AQR: variants seen among roughly 807,000 people sequenced by gnomAD.
AQR encodes aquarius intron-binding spliceosomal factor.
A neutral mutation model predicts 180.5 loss-of-function variants in AQR; 61 were observed. The observed-to-expected ratio is 0.34, with a 90% CI of 0.28 to 0.42. The LOEUF (loss-of-function observed/expected upper bound fraction) is 0.42, where lower values mean the gene tolerates loss of function less well. Among genes scored for constraint, AQR ranks in the 10% least tolerant of loss-of-function variants. The probability of loss-of-function intolerance (pLI) is 1.00; values close to 1 mark genes in which losing one functional copy is unlikely to be tolerated. For missense variants in AQR, 1,281 were observed against 1,798.3 expected, an observed-to-expected ratio of 0.71 and a Z score of 5.20; for synonymous variants, 551 against 588.8, an observed-to-expected ratio of 0.94 and a Z score of 0.93.
chr15:34,915,436 C>T (rs1893567460), intron 15 of AQR, among the ~76,000 whole-genome samples: 6 of 151,650 alleles, frequency 4.0e-5, no homozygotes, highest in Admixed American at 3.9e-4. Context: ...GTGATCTGCC[C>T]ACCTTGGCCT....
At chr15:34,909,314 T>C (rs1282278276) in intron 17 of AQR, among the ~76,000 whole-genome samples, 1 of 152,206 alleles carries the variant, frequency 6.6e-6, no homozygotes, top group Non-Finnish European at 1.5e-5. Context: ...AATATAAAAC[T>C]GCCTATTAGA....
At chr15:34,884,944 C>T (rs1171231722) in intron 25 of AQR, among the ~76,000 whole-genome samples, 1 of 152,186 alleles carries the variant, frequency 6.6e-6, no homozygotes, top group Non-Finnish European at 1.5e-5. Flanking sequence ...GAAAAAAAGG[C>T]TCTTTAATAA....
intron 20 of AQR, 132 bp from the exon 21 acceptor site, chr15:34,897,837 T>A: frequency 1.0e-6 from 1 of 965,872 alleles, no homozygotes; most frequent in East Asian, 2.6e-5. Flanking sequence ...ACGATATCTG[T>A]ATGTAAACTC....
chr15:34,928,319 T>C (rs1893795847), intron 12 of AQR, among the ~76,000 whole-genome samples: 1 of 152,128 alleles, frequency 6.6e-6, no homozygotes, highest in Non-Finnish European at 1.5e-5. Flanking sequence ...GCTGCACCTA[T>C]TGACCTGTCC....
intron 5 of AQR, 46 bp from the exon 6 acceptor site, chr15:34,944,474 T>G (rs752903366): frequency 3.9e-6 from 6 of 1,530,910 alleles, no homozygotes; most frequent in Non-Finnish European, 4.4e-6. Flanking sequence ...GCTTGCTCAC[T>G]TAAGCTTTAA....
At chr15:34,866,142 T>C (rs1357613656) in intron 32 of AQR, among the ~76,000 whole-genome samples, 2 of 152,190 alleles carry the variant, frequency 1.3e-5, no homozygotes, top group Non-Finnish European at 1.5e-5. Context: ...CTTGCCTATA[T>C]ATAAAAGGAA....
At chr15:34,957,649 C>T (rs953590048) in intron 3 of AQR, among the ~76,000 whole-genome samples, 3 of 148,192 alleles carry the variant, frequency 2.0e-5, no homozygotes, top group South Asian at 2.1e-4. Context: ...TGCGGTGAGC[C>T]GAGACTGCAC....
intron 2 of AQR, among the ~76,000 whole-genome samples, chr15:34,963,670 T>C (rs2050293740): frequency 6.6e-6 from 1 of 151,318 alleles, no homozygotes; most frequent in African/African-American, 2.5e-5. Flanking sequence ...ACTTTTTTTT[T>C]TTCTTTTTTT....
chr15:34,959,536 T>A (rs2050260918), intron 3 of AQR, among the ~76,000 whole-genome samples: 1 of 152,070 alleles, frequency 6.6e-6, no homozygotes, highest in African/African-American at 2.4e-5. Context: ...TCTTCATAGC[T>A]CTTAAGTAGC....
At chr15:34,908,481 C>G (rs939090108) in intron 17 of AQR, among the ~76,000 whole-genome samples, 25 of 151,968 alleles carry the variant, frequency 1.6e-4, no homozygotes, top group African/African-American at 5.8e-4. Context: ...CTCCTTTTTA[C>G]TCCATTTTCT....
intron 32 of AQR, among the ~76,000 whole-genome samples, chr15:34,865,609 C>T (rs571703422): frequency 1.3e-5 from 2 of 152,282 alleles, no homozygotes; most frequent in South Asian, 2.1e-4. Flanking sequence ...ATTGTATATG[C>T]ATATTCATAG....
intron 27 of AQR, among the ~76,000 whole-genome samples, chr15:34,876,406 AT>A (rs1220008999): frequency 6.6e-6 from 1 of 151,826 alleles, no homozygotes; most frequent in Non-Finnish European, 1.5e-5. Flanking sequence ...TTTTGGGATA[AT>A]TTTTTTTCCT....
chr15:34,952,766 A>G, intron 4 of AQR, 119 bp downstream of exon 4: 1 of 722,964 alleles, frequency 1.4e-6, no homozygotes, highest in Non-Finnish European at 2.3e-6. Context: ...AGCCAATCAC[A>G]GAAATATAAA....
intron 27 of AQR, among the ~76,000 whole-genome samples, chr15:34,880,747 T>A (rs1670058021): frequency 1.3e-5 from 2 of 152,166 alleles, no homozygotes; most frequent in South Asian, 4.1e-4. Context: ...TGAATGTGTG[T>A]CTATTTGTCC....
chr15:34,884,221 AC>A (rs1286213315), intron 26 of AQR, among the ~76,000 whole-genome samples: 1 of 152,144 alleles, frequency 6.6e-6, no homozygotes, highest in Non-Finnish European at 1.5e-5. Flanking sequence ...AGCCTGGCCA[AC>A]ATGGTGAAAC....
intron 12 of AQR, among the ~76,000 whole-genome samples, chr15:34,927,759 G>A (rs909178880): frequency 6.6e-6 from 1 of 152,176 alleles, no homozygotes; most frequent in East Asian, 1.9e-4. Flanking sequence ...GAAAAGATCC[G>A]GAAGTTTTCA....
chr15:34,882,465 T>TAAAAAAAAAAAAA lies in AQR; in HGVS notation c.3165+24_3165+36dup, dbSNP rs34949352. 1.4e-4 allele frequency: 165 copies of TAAAAAAAAAAAAA among 1,200,368 alleles called. 3 individuals carry two copies. The African/African-American group carries it at 2.7e-3, about 20-fold the overall frequency. The allele number at this position is 1,200,368 out of a possible 1,614,324, so 74.4% of individuals were successfully genotyped here. A position where few individuals can be genotyped will look rare whatever the true frequency, so the allele number is the denominator to read the frequency against. On this transcript the variant is annotated intron_variant, in intron 27 of 34. Coordinates refer to ENST00000156471, the MANE Select transcript of AQR (RefSeq NM_014691.3). ...GAAGTGAGCCAATCTCTGATAATCT[T>TAAAAAAAAAAAAA]AAAAAAAAAAAAAAAAAAACTACCA...
intron 18 of AQR, 66 bp from the exon 19 acceptor site, chr15:34,904,571 G>GT (rs1893383174): frequency 7.0e-7 from 1 of 1,434,108 alleles, no homozygotes; most frequent in East Asian, 2.6e-5. Context: ...TAAGTTAACA[G>GT]TATTTCTTTT....
At chr15:34,864,781 A>G (rs16959966) in intron 32 of AQR, among the ~76,000 whole-genome samples, 17,342 of 152,136 alleles carry the variant, frequency 0.11, 1,365 homozygotes, top group East Asian at 0.32. Flanking sequence ...TCAGTGCTAT[A>G]GTGCAGTAAA....
Sources: gnomAD v4.1 joint callset for allele counts (sites outside exome capture counted in the v4.1 genomes callset) on GRCh38, gnomAD v4.1.1 for gene constraint, MANE v1.5 for transcripts, NCBI Gene and HGNC (gene_info 2026-07-23, HGNC 2026-07-21) for gene names.